RIGI: variants seen among roughly 807,000 people sequenced by gnomAD.
RIGI encodes antiviral innate immune response receptor RIG-I.
At chr9:32,480,371 C>T in the RIGI span, 9 of 1,574,074 alleles carry the variant, frequency 5.7e-6, no homozygotes, top group East Asian at 2.3e-5. Context: ...AAAGTAAAAA[C>T]TGTCTCAATA....
chr9:32,461,044 G>GA, the RIGI span, among the ~76,000 whole-genome samples: 74 of 145,656 alleles, frequency 5.1e-4, no homozygotes, highest in African/African-American at 7.1e-4. Context: ...AAAGCAGCCA[G>GA]AAAAAAAAAA....
chr9:32,469,044 A>G, the RIGI span, among the ~76,000 whole-genome samples: 3 of 152,276 alleles, frequency 2.0e-5, no homozygotes, highest in South Asian at 2.1e-4. Context: ...TTTCTCATCA[A>G]TGGACCAGAT....
the RIGI span, among the ~76,000 whole-genome samples, chr9:32,521,667 T>C: frequency 6.6e-6 from 1 of 152,152 alleles, no homozygotes; most frequent in Non-Finnish European, 1.5e-5. Flanking sequence ...TTTGGTATAT[T>C]AGAATTATAC....
chr9:32,468,030 G>T, the RIGI span: 1 of 1,116,730 alleles, frequency 9.0e-7, no homozygotes, highest in Non-Finnish European at 1.3e-6. Flanking sequence ...TATATGCCAA[G>T]TACTGTGATA....
At chr9:32,516,376 G>A in the RIGI span, among the ~76,000 whole-genome samples, 1 of 152,158 alleles carries the variant, frequency 6.6e-6, no homozygotes, top group Non-Finnish European at 1.5e-5. Flanking sequence ...CTTTCTGTGT[G>A]GCTACCAGGA....
chr9:32,488,013 G>A, the RIGI span: 1 of 1,613,956 alleles, frequency 6.2e-7, no homozygotes, highest in East Asian at 2.2e-5. Flanking sequence ...ATATTGTACG[G>A]GTGTTGTTTA....
the RIGI span, among the ~76,000 whole-genome samples, chr9:32,481,181 T>C: frequency 6.6e-6 from 1 of 152,222 alleles, no homozygotes; most frequent in African/African-American, 2.4e-5. Context: ...TGATGTTGAA[T>C]GGGACAACTT....
chr9:32,497,810 A>G, the RIGI span, among the ~76,000 whole-genome samples: 3 of 152,178 alleles, frequency 2.0e-5, no homozygotes, highest in Admixed American at 2.0e-4. Flanking sequence ...CAAACAGATT[A>G]TTTTCCTTCT....
At chr9:32,457,406 T>C in the RIGI span, 35 of 1,612,644 alleles carry the variant, frequency 2.2e-5, no homozygotes, top group East Asian at 1.6e-4. Flanking sequence ...CCAAGCACAG[T>C]GTAATGGCAT....
At chr9:32,498,612 C>G in the RIGI span, among the ~76,000 whole-genome samples, 1 of 152,024 alleles carries the variant, frequency 6.6e-6, no homozygotes, top group South Asian at 2.1e-4. Flanking sequence ...ATGCATGTAC[C>G]AGAATATTTG....
the RIGI span, chr9:32,498,401 T>G: frequency 6.6e-6 from 3 of 455,818 alleles, no homozygotes; most frequent in South Asian, 4.6e-5. Flanking sequence ...TCTGTTTTAC[T>G]CTCCCCACCC....
At chr9:32,478,874 A>G in the RIGI span, among the ~76,000 whole-genome samples, 1 of 152,164 alleles carries the variant, frequency 6.6e-6, no homozygotes. Flanking sequence ...TTATGTTGAG[A>G]GTTTAGACTT....
At chr9:32,513,956 G>A in the RIGI span, among the ~76,000 whole-genome samples, 663 of 152,162 alleles carry the variant, frequency 4.4e-3, 5 homozygotes, top group African/African-American at 0.015. Context: ...TTTATACCAC[G>A]AACAAACATA....
the RIGI span, among the ~76,000 whole-genome samples, chr9:32,511,128 C>T: frequency 1.3e-5 from 2 of 152,258 alleles, no homozygotes; most frequent in South Asian, 4.1e-4. Context: ...TAGACTCCCA[C>T]ACAATAATAG....
At chr9:32,467,939 C>A in the RIGI span, 1 of 1,578,692 alleles carries the variant, frequency 6.3e-7, no homozygotes, top group South Asian at 1.1e-5. Context: ...ATTCCTGTGT[C>A]AGAGTAAGAG....
chr9:32,474,489 TC>T, the RIGI span, among the ~76,000 whole-genome samples: 3 of 152,192 alleles, frequency 2.0e-5, no homozygotes, highest in Admixed American at 6.5e-5. Context: ...TGGCATCATT[TC>T]CAAGATGAAG....
At chr9:32,499,352 G>A in the RIGI span, among the ~76,000 whole-genome samples, 1,380 of 54,572 alleles carry the variant, frequency 0.025, 20 homozygotes, top group African/African-American at 0.079. Context: ...TCTTTATAGT[G>A]TTTTTGATAA....
the RIGI span, chr9:32,457,559 G>GA: frequency 0.012 from 6,986 of 598,158 alleles, 2 homozygotes; most frequent in South Asian, 0.016. Context: ...ACAATTGGAG[G>GA]AAAAAAAAAA....
At chr9:32,499,316 G>GTTTTTTTTTTTTTTTTTTTTTTTCTTT in the RIGI span, among the ~76,000 whole-genome samples, 1 of 57,634 alleles carries the variant, frequency 1.7e-5, no homozygotes, top group Non-Finnish European at 3.3e-5. Flanking sequence ...TTTGTGATTT[G>GTTTTTTTTTTTTTTTTTTTTTTTCTTT]TTTTTTTTTT....
Sources: gnomAD v4.1 joint callset for allele counts (sites outside exome capture counted in the v4.1 genomes callset) on GRCh38, gnomAD v4.1.1 for gene constraint, MANE v1.5 for transcripts, NCBI Gene and HGNC (gene_info 2026-07-23, HGNC 2026-07-21) for gene names.